The following AGBL1 variants were observed in gnomAD, a reference collection of about 807,000 sequenced individuals.
AGBL1 encodes the protein AGBL carboxypeptidase 1.
AGBL1 carries 130 observed loss-of-function variants against 118.9 expected under a neutral mutation model. The observed-to-expected ratio is 1.09, with a 90% CI of 0.95 to 1.26. AGBL1 has a LOEUF of 1.26. Among genes scored for constraint, AGBL1 ranks in the 50% most tolerant of loss-of-function variants. The pLI is 0.00. For missense variants in AGBL1, 1,584 were observed against 1,298.1 expected (o/e 1.22, Z -3.38); for synonymous variants, 555 against 478.9 (o/e 1.16, Z -2.08).
chr15:86,167,075 G>T (rs2077351852), intron 5 of AGBL1, among the ~76,000 whole-genome samples: 1 of 152,032 alleles, frequency 6.6e-6, no homozygotes, highest in African/African-American at 2.4e-5. Context: ...CTTATGCAAA[G>T]AAATTTGTAT....
At chr15:86,888,815 T>C (rs895208425) in intron 22 of AGBL1, among the ~76,000 whole-genome samples, 1 of 152,082 alleles carries the variant, frequency 6.6e-6, no homozygotes, top group African/African-American at 2.4e-5. Context: ...AATCAGAACA[T>C]AAAATAATGT....
intron 22 of AGBL1, among the ~76,000 whole-genome samples, chr15:86,881,909 G>T (rs908940318): frequency 6.6e-6 from 1 of 152,152 alleles, no homozygotes; most frequent in Admixed American, 6.5e-5. Flanking sequence ...TACCAAAAGG[G>T]GATGGTGGTA....
chr15:86,302,574 CAAG>C (rs1275718894), intron 17 of AGBL1, among the ~76,000 whole-genome samples: 1 of 151,766 alleles, frequency 6.6e-6, no homozygotes, highest in Non-Finnish European at 1.5e-5. Flanking sequence ...GTCAGGAGTT[CAAG>C]ACCAGCCTAG....
intron 18 of AGBL1, among the ~76,000 whole-genome samples, chr15:86,480,158 C>A (rs547980060): frequency 6.6e-6 from 1 of 152,140 alleles, no homozygotes; most frequent in Non-Finnish European, 1.5e-5. Flanking sequence ...ATGTGTGTAG[C>A]ACACCAACAT....
At chr15:86,863,811 G>A (rs567462288) in intron 22 of AGBL1, among the ~76,000 whole-genome samples, 5 of 152,294 alleles carry the variant, frequency 3.3e-5, no homozygotes, top group East Asian at 3.9e-4. Flanking sequence ...GAAGTCAGAT[G>A]GACCAGAAAC....
At chr15:86,191,173 C>A (rs551918705) in intron 5 of AGBL1, among the ~76,000 whole-genome samples, 9 of 151,174 alleles carry the variant, frequency 6.0e-5, no homozygotes, top group South Asian at 4.2e-4. Flanking sequence ...TGAAACCCCC[C>A]CTCCCTACTA....
intron 24 of AGBL1, among the ~76,000 whole-genome samples, chr15:87,004,830 C>G (rs958995889): frequency 6.6e-6 from 1 of 152,120 alleles, no homozygotes; most frequent in Non-Finnish European, 1.5e-5. Context: ...GTGGCTGGTT[C>G]CGGTTGTTCC....
rs1190619556 is a variant in AGBL1, at chr15:86,833,435, G to T, written c.3159-73652G>T. 4.6e-5 allele frequency among the ~76,000 whole-genome samples: 7 copies of T among 152,156 alleles called. No homozygotes were observed. In the East Asian group the frequency reaches 9.8e-4, roughly 21 times the overall value. On this transcript the variant is annotated intron_variant, in intron 22 of 22. Coordinates refer to ENST00000614907, the MANE Select transcript of AGBL1 (RefSeq NM_001386094.1). ...TCCTGATGGTGAGTAAGTCTCAGAAGATCTGACGGGTTTATCAGGGGTTTC... is the reference window on the plus strand; with the variant it reads ...TCCTGATGGTGAGTAAGTCTCAGAATATCTGACGGGTTTATCAGGGGTTTC...
chr15:86,520,600 T>C (rs2083176008), intron 18 of AGBL1, among the ~76,000 whole-genome samples: 1 of 152,202 alleles, frequency 6.6e-6, no homozygotes, highest in Admixed American at 6.5e-5. Flanking sequence ...AAAGAAGATG[T>C]AGAGAGAGTT....
At chr15:86,723,317 A>G (rs2086762150) in intron 22 of AGBL1, among the ~76,000 whole-genome samples, 1 of 152,244 alleles carries the variant, frequency 6.6e-6, no homozygotes, top group African/African-American at 2.4e-5. Flanking sequence ...ATGGAATAGT[A>G]TGCAGCCATA....
chr15:86,167,012 C>G lies in AGBL1; in HGVS notation c.488+7986C>G, dbSNP rs186369417. Among the ~76,000 whole-genome samples, 4 of 152,266 alleles carry G rather than the reference C, an allele frequency of 2.6e-5. No homozygotes were observed. In the East Asian group the frequency reaches 7.8e-4, roughly 30 times the overall value. ...AGAGACTAGAGGCAGGCTCTAGGAA[C>G]TTTCACTTGCCATAGAAGTTAATCT... On this transcript the variant is annotated intron_variant, in intron 5 of 22. Coordinates refer to ENST00000614907, the MANE Select transcript of AGBL1 (RefSeq NM_001386094.1).
chr15:86,418,607 A>G (rs1409435299), intron 18 of AGBL1, among the ~76,000 whole-genome samples: 1 of 152,078 alleles, frequency 6.6e-6, no homozygotes, highest in Non-Finnish European at 1.5e-5. Flanking sequence ...AAAAATGGAG[A>G]CATATTTGCT....
In AGBL1 at chr15:86,264,602, G is replaced by A. The variant is rs1347452092; in HGVS notation, c.1431G>A (p.Arg477=). 24 of 1,613,750 alleles carry A rather than the reference G, an allele frequency of 1.5e-5. 1 individual carries two copies. Among genetic ancestry groups the A allele is most frequent in the Non-Finnish European group, 1.9e-5 (23 of 1,179,836 alleles). ...AWDVDAIFCP[R]MSASFSNSTR... is the part of the protein sequence containing the mutation. ...ACGTAGATGCAATTTTCTGCCCAAGGATGAGTGCCTCCTTTTCTAATTCCA... is the reference window on the plus strand; with the variant it reads ...ACGTAGATGCAATTTTCTGCCCAAGAATGAGTGCCTCCTTTTCTAATTCCA... Residue 477 remains arginine, a synonymous_variant, in exon 11 of 23, where the codon AGG becomes AGA. Coordinates refer to ENST00000614907, the MANE Select transcript of AGBL1 (RefSeq NM_001386094.1).
intron 5 of AGBL1, among the ~76,000 whole-genome samples, chr15:86,196,882 C>T (rs1186699015): frequency 1.6e-5 from 1 of 63,972 alleles, no homozygotes; most frequent in South Asian, 5.0e-4. Context: ...CGCGCGCGCA[C>T]ACACACACAC....
intron 22 of AGBL1, among the ~76,000 whole-genome samples, chr15:86,902,553 T>G (rs1185249726): frequency 6.6e-6 from 1 of 152,196 alleles, no homozygotes; most frequent in African/African-American, 2.4e-5. Context: ...TTATTTATGT[T>G]TAGAGAGTTT....
intron 6 of AGBL1, among the ~76,000 whole-genome samples, chr15:86,234,929 G>C (rs946346532): frequency 6.6e-6 from 1 of 152,146 alleles, no homozygotes; most frequent in African/African-American, 2.4e-5. Context: ...CTTCCCCGAG[G>C]GTTGAATGAT....
chr15:86,315,967 A>T (rs917453290), intron 17 of AGBL1, among the ~76,000 whole-genome samples: 1 of 152,138 alleles, frequency 6.6e-6, no homozygotes, highest in African/African-American at 2.4e-5. Flanking sequence ...TCAGGAAAAA[A>T]CCTTATCTAT....
chr15:86,463,980 G>A (rs1168981197), intron 18 of AGBL1, among the ~76,000 whole-genome samples: 1 of 152,012 alleles, frequency 6.6e-6, no homozygotes, highest in Non-Finnish European at 1.5e-5. Context: ...CTATAAAGAA[G>A]GTCAATGGTG....
chr15:86,668,399 T>G (rs572725896), intron 21 of AGBL1, among the ~76,000 whole-genome samples: 1 of 152,338 alleles, frequency 6.6e-6, no homozygotes, highest in East Asian at 1.9e-4. Flanking sequence ...ATTGTTTCCT[T>G]TTTGTGCCTT....
Sources: allele counts gnomAD v4.1 joint callset (sites outside exome capture counted in the v4.1 genomes callset), GRCh38; gene constraint gnomAD v4.1.1; transcripts MANE v1.5; gene names NCBI Gene and HGNC (gene_info 2026-07-23, HGNC 2026-07-21).